Variants in ZDHHC20 observed in about 807,000 individuals in gnomAD.
ZDHHC20 encodes palmitoyltransferase ZDHHC20.
In ZDHHC20, 43 loss-of-function variants were observed where a neutral mutation model predicts 57.8. The ratio of observed to expected loss-of-function variants is 0.74; its 90% CI spans 0.58 to 0.96. ZDHHC20 has a LOEUF of 0.96. Ranked by LOEUF, ZDHHC20 falls within the 40% of genes least tolerant of loss-of-function variation. The pLI is 0.00. For synonymous variants in ZDHHC20, 157 were observed against 153.0 expected, an observed-to-expected ratio of 1.03 and a Z score of -0.19; for missense variants, 391 against 441.1, an observed-to-expected ratio of 0.89 and a Z score of 1.02.
intron 1 of ZDHHC20, among the ~76,000 whole-genome samples, chr13:21,452,451 C>T (rs1884537740): frequency 6.6e-6 from 1 of 152,018 alleles, no homozygotes; most frequent in African/African-American, 2.4e-5. Flanking sequence ...CTGACTTGCA[C>T]TACAATAAAC....
chr13:21,451,098 A>G (rs1404002853), intron 1 of ZDHHC20, among the ~76,000 whole-genome samples: 1 of 152,296 alleles, frequency 6.6e-6, no homozygotes, highest in East Asian at 1.9e-4. Flanking sequence ...AACTTTTCCT[A>G]TAAGTATGCC....
chr13:21,436,002 T>C (rs1190444105), intron 1 of ZDHHC20, among the ~76,000 whole-genome samples: 1 of 152,180 alleles, frequency 6.6e-6, no homozygotes, highest in Non-Finnish European at 1.5e-5. Context: ...TTCCACCCCA[T>C]CTCACTCAGG....
chr13:21,385,613 T>C (rs1002330478), intron 9 of ZDHHC20, among the ~76,000 whole-genome samples: 13 of 152,124 alleles, frequency 8.5e-5, no homozygotes, highest in African/African-American at 3.1e-4. Context: ...TGTGGGTCAC[T>C]ATCAAGCTAT....
intron 10 of ZDHHC20, 79 bp downstream of exon 10, chr13:21,382,841 C>T: frequency 8.4e-7 from 1 of 1,186,606 alleles, no homozygotes; most frequent in Non-Finnish European, 1.2e-6. Flanking sequence ...ACTGTATTTA[C>T]TCATAAGATG....
In ZDHHC20 at chr13:21,401,181, A is replaced by T. The variant is rs187635696; in HGVS notation, c.473+472T>A. On this transcript the variant is annotated intron_variant, in intron 6 of 12. Transcript: ENST00000400590. ...GCAGTCCCAGCTACTTGAGAGACTG[A>T]GGTGGAAGAATCACCTGAGCCCAGA... 2.8e-4 allele frequency among the ~76,000 whole-genome samples: 42 copies of T among 152,108 alleles called. 1 individual carries two copies. Among genetic ancestry groups the T allele is most frequent in the South Asian group, 4.2e-4 (2 of 4,814 alleles).
intron 1 of ZDHHC20, among the ~76,000 whole-genome samples, chr13:21,444,865 T>G (rs1883524197): frequency 6.6e-6 from 1 of 152,076 alleles, no homozygotes. Flanking sequence ...AGACCAGCCC[T>G]GGCAACATAG....
rs1433601447 is a variant in ZDHHC20 at position 21,459,177 on chromosome 13, G to T, written c.-6C>A. ...CACAGCGTCCAGGGCGCCATGTTCC[G>T]CTGGCGGCTGCCGAGCCCCGCGTCC... On this transcript the variant is annotated 5_prime_UTR_variant, in exon 1 of 13. Coordinates refer to ENST00000400590, the MANE Select transcript of ZDHHC20 (RefSeq NM_001330059.2). 6.3e-7 allele frequency: 1 copy of T among 1,592,666 alleles called. No individual in the cohort carries two copies. Among genetic ancestry groups the T allele is most frequent in the Non-Finnish European group, 8.5e-7 (1 of 1,171,472 alleles).
At chr13:21,455,717 G>A (rs1884869617) in intron 1 of ZDHHC20, among the ~76,000 whole-genome samples, 1 of 152,036 alleles carries the variant, frequency 6.6e-6, no homozygotes, top group Non-Finnish European at 1.5e-5. Context: ...GATGGAATGA[G>A]GGCCTCTTGG....
intron 8 of ZDHHC20, among the ~76,000 whole-genome samples, chr13:21,390,456 A>C (rs1875480503): frequency 6.6e-6 from 1 of 152,214 alleles, no homozygotes; most frequent in South Asian, 2.1e-4. Context: ...AAAGAGAAAT[A>C]AATGTTAATA....
At chr13:21,421,776 T>C (rs1387697970) in intron 2 of ZDHHC20, among the ~76,000 whole-genome samples, 1 of 152,188 alleles carries the variant, frequency 6.6e-6, no homozygotes, top group Non-Finnish European at 1.5e-5. Context: ...ATTCTATATA[T>C]TTGAAAGAAG....
chr13:21,411,574 T>A (rs1484956212), intron 4 of ZDHHC20, among the ~76,000 whole-genome samples: 1 of 152,146 alleles, frequency 6.6e-6, no homozygotes, highest in Non-Finnish European at 1.5e-5. Flanking sequence ...CCTACCCTTC[T>A]CCACTCAACA....
intron 1 of ZDHHC20, among the ~76,000 whole-genome samples, chr13:21,455,633 G>GT (rs1884854570): frequency 6.8e-6 from 1 of 148,082 alleles, no homozygotes; most frequent in Non-Finnish European, 1.5e-5. Context: ...CCAGTGAAGT[G>GT]GTGTGTGTGT....
At chr13:21,445,975 G>A (rs1176218777) in intron 1 of ZDHHC20, among the ~76,000 whole-genome samples, 1 of 152,212 alleles carries the variant, frequency 6.6e-6, no homozygotes, top group Non-Finnish European at 1.5e-5. Context: ...ATTCCAGGCA[G>A]AAGGAACAGG....
intron 3 of ZDHHC20, among the ~76,000 whole-genome samples, chr13:21,416,697 T>C (rs571700725): frequency 2.0e-5 from 3 of 152,320 alleles, no homozygotes; most frequent in African/African-American, 7.2e-5. Flanking sequence ...ACCTAAGTTT[T>C]GAAAGATAAA....
intron 1 of ZDHHC20, among the ~76,000 whole-genome samples, chr13:21,442,421 A>G (rs1883267173): frequency 6.6e-6 from 1 of 152,136 alleles, no homozygotes; most frequent in South Asian, 2.1e-4. Flanking sequence ...CTCTTATTTC[A>G]GATCTTCCTG....
At chr13:21,445,503 T>C (rs1883600421) in intron 1 of ZDHHC20, among the ~76,000 whole-genome samples, 1 of 152,196 alleles carries the variant, frequency 6.6e-6, no homozygotes, top group African/African-American at 2.4e-5. Flanking sequence ...ATAATTAACA[T>C]TTCCTCCTGA....
At chr13:21,406,286 C>T (rs1285816061) in intron 4 of ZDHHC20, among the ~76,000 whole-genome samples, 1 of 152,150 alleles carries the variant, frequency 6.6e-6, no homozygotes, top group African/African-American at 2.4e-5. Flanking sequence ...TACTCATTTC[C>T]CGATCACTCC....
chr13:21,374,983 A>G lies in ZDHHC20; in HGVS notation c.*1713T>C, dbSNP rs1466238660. 3 of 369,286 alleles carry G rather than the reference A, an allele frequency of 8.1e-6. No individual in the cohort carries two copies. The highest frequency in any genetic ancestry group is 1.1e-5 in the Non-Finnish European group (2 of 189,772). 22.9% of individuals were successfully genotyped at this position (369,286 alleles called of 1,614,324 possible). On this transcript the variant is annotated 3_prime_UTR_variant, in exon 13 of 13. Transcript: ENST00000400590. Reference sequence around the variant, plus strand: ...ACCTCGTCTCTTCTAAAAATGTGAAAATTAGCCGGGCATGGTGGCATGAGC... The same window carrying G: ...ACCTCGTCTCTTCTAAAAATGTGAAGATTAGCCGGGCATGGTGGCATGAGC...
chr13:21,421,031 C>T (rs369287192), intron 3 of ZDHHC20, 30 bp downstream of exon 3: 64 of 1,564,810 alleles, frequency 4.1e-5, no homozygotes, highest in Non-Finnish European at 5.5e-5. Context: ...TCAGTTAAAA[C>T]ATTTGGTAAT....
Sources: allele counts gnomAD v4.1 joint callset (sites outside exome capture counted in the v4.1 genomes callset), GRCh38; gene constraint gnomAD v4.1.1; transcripts MANE v1.5; gene names NCBI Gene and HGNC (gene_info 2026-07-23, HGNC 2026-07-21).